The following HMG20A variants were observed in gnomAD, a reference collection of about 807,000 sequenced individuals.
HMG20A encodes high mobility group 20A.
A neutral mutation model predicts 43.9 loss-of-function variants in HMG20A; 17 were observed. The observed-to-expected ratio is 0.39, with a 90% CI of 0.27 to 0.58. HMG20A has a LOEUF of 0.58. Ranked by LOEUF, HMG20A falls within the 20% of genes least tolerant of loss-of-function variation. The probability of loss-of-function intolerance (pLI) is 0.59; values close to 1 mark genes in which losing one functional copy is unlikely to be tolerated. For synonymous variants in HMG20A, 132 were observed against 147.5 expected, an observed-to-expected ratio of 0.89 and a Z score of 0.76; for missense variants, 341 against 438.2, an observed-to-expected ratio of 0.78 and a Z score of 1.98.
chr15:77,471,430 A>G (rs1429680175), intron 5 of HMG20A, among the ~76,000 whole-genome samples: 2 of 152,080 alleles, frequency 1.3e-5, no homozygotes, highest in African/African-American at 4.8e-5. Flanking sequence ...CAACTAGCCT[A>G]TTTTTCCTTA....
At chr15:77,461,814 T>C (rs1158008028) in intron 2 of HMG20A, among the ~76,000 whole-genome samples, 4 of 152,152 alleles carry the variant, frequency 2.6e-5, no homozygotes. Flanking sequence ...AACTTAAAAA[T>C]TGATGGCACA....
intron 1 of HMG20A, among the ~76,000 whole-genome samples, chr15:77,442,954 G>T (rs1304670630): frequency 6.6e-6 from 1 of 151,352 alleles, no homozygotes; most frequent in Non-Finnish European, 1.5e-5. Context: ...CCATACTGCT[G>T]AAGGTTGAGT....
At chr15:77,436,541 C>T (rs544535012) in intron 1 of HMG20A, among the ~76,000 whole-genome samples, 1 of 151,904 alleles carries the variant, frequency 6.6e-6, no homozygotes, top group Non-Finnish European at 1.5e-5. Context: ...TCATTGAATC[C>T]TCTGCCTCCC....
At chr15:77,462,204 CAG>C (rs2072710772) in intron 2 of HMG20A, among the ~76,000 whole-genome samples, 1 of 152,172 alleles carries the variant, frequency 6.6e-6, no homozygotes, top group Non-Finnish European at 1.5e-5. Flanking sequence ...TCAAATTTAG[CAG>C]ACACTTTTTG....
intron 4 of HMG20A, among the ~76,000 whole-genome samples, chr15:77,470,411 G>T (rs1433022664): frequency 6.6e-6 from 1 of 152,150 alleles, no homozygotes; most frequent in Non-Finnish European, 1.5e-5. Flanking sequence ...GTGTCTCCCA[G>T]CTTCATTGCT....
chr15:77,438,951 C>T (rs542660465), intron 1 of HMG20A, among the ~76,000 whole-genome samples: 81 of 152,190 alleles, frequency 5.3e-4, no homozygotes, highest in Middle Eastern at 3.4e-3. Context: ...TCACCACGCC[C>T]GGCTAATTTT....
the HMG20A span, among the ~76,000 whole-genome samples, chr15:77,514,325 A>G: frequency 6.6e-6 from 1 of 152,224 alleles, no homozygotes; most frequent in Non-Finnish European, 1.5e-5. Flanking sequence ...ATACTATATA[A>G]TTTCATTTCT....
chr15:77,489,397 A>G (rs1428826293), downstream of HMG20A, among the ~76,000 whole-genome samples: 2 of 152,236 alleles, frequency 1.3e-5, no homozygotes, highest in Non-Finnish European at 2.9e-5. Flanking sequence ...GTGGCTTTAC[A>G]TTCCACTATA....
the HMG20A span, among the ~76,000 whole-genome samples, chr15:77,506,383 C>T: frequency 1.3e-5 from 2 of 152,132 alleles, no homozygotes; most frequent in South Asian, 2.1e-4. Flanking sequence ...TGCTGGTTCA[C>T]GATGAAGCCG....
the HMG20A span, among the ~76,000 whole-genome samples, chr15:77,509,712 C>A: frequency 2.0e-5 from 3 of 151,466 alleles, no homozygotes; most frequent in South Asian, 2.1e-4. Flanking sequence ...TTGAGACCAG[C>A]CTGGCCAACA....
At chr15:77,511,909 A>G in the HMG20A span, among the ~76,000 whole-genome samples, 1 of 152,256 alleles carries the variant, frequency 6.6e-6, no homozygotes, top group Admixed American at 6.5e-5. Flanking sequence ...ACTTCTGGGT[A>G]TACATCCAAA....
At chr15:77,509,562 GT>G in the HMG20A span, among the ~76,000 whole-genome samples, 2 of 14,582 alleles carry the variant, frequency 1.4e-4, no homozygotes, top group Non-Finnish European at 2.6e-4. Flanking sequence ...AGCCGTGTGT[GT>G]GTGTGTGTGT....
intron 1 of HMG20A, chr15:77,447,610 A>AG (rs1376736376): frequency 1.8e-4 from 28 of 152,226 alleles, no homozygotes; most frequent in Admixed American, 6.5e-4. Flanking sequence ...CTTCAAAAAA[A>AG]CATGTACCAT....
At chr15:77,475,905 C>A (rs748705043) in intron 6 of HMG20A, among the ~76,000 whole-genome samples, 10 of 152,076 alleles carry the variant, frequency 6.6e-5, no homozygotes, top group Non-Finnish European at 2.9e-5. Flanking sequence ...TTGGGACTTT[C>A]GATTGATAAT....
At chr15:77,496,581 G>C in the HMG20A span, among the ~76,000 whole-genome samples, 1 of 152,202 alleles carries the variant, frequency 6.6e-6, no homozygotes, top group Non-Finnish European at 1.5e-5. Flanking sequence ...CTTTCTTCAG[G>C]AGGGCCCGGA....
the HMG20A span, among the ~76,000 whole-genome samples, chr15:77,499,810 GT>G: frequency 6.6e-6 from 1 of 151,506 alleles, no homozygotes; most frequent in African/African-American, 2.4e-5. Context: ...TGCAAGATTA[GT>G]CTTGCAAATA....
At chr15:77,490,872 C>G in the HMG20A span, among the ~76,000 whole-genome samples, 6 of 152,214 alleles carry the variant, frequency 3.9e-5, no homozygotes, top group Non-Finnish European at 8.8e-5. Context: ...AAGTTCCTTT[C>G]AGTTCCTAAA....
At chr15:77,456,455 C>T (rs569951624) in intron 1 of HMG20A, among the ~76,000 whole-genome samples, 3 of 152,016 alleles carry the variant, frequency 2.0e-5, no homozygotes, top group African/African-American at 4.8e-5. Flanking sequence ...CCGAAGTGGG[C>T]GGATCACTTG....
chr15:77,444,222 C>T (rs1265339382), intron 1 of HMG20A, among the ~76,000 whole-genome samples: 1 of 152,140 alleles, frequency 6.6e-6, no homozygotes, highest in Non-Finnish European at 1.5e-5. Flanking sequence ...AGCAGATGCT[C>T]ATATAACGCC....
Sources: allele counts gnomAD v4.1 joint callset (sites outside exome capture counted in the v4.1 genomes callset), GRCh38; gene constraint gnomAD v4.1.1; transcripts MANE v1.5; gene names NCBI Gene and HGNC (gene_info 2026-07-23, HGNC 2026-07-21).